PELI2: variants seen among roughly 807,000 people sequenced by gnomAD.
The protein encoded by PELI2 is pellino E3 ubiquitin protein ligase family member 2, also known as E3 ubiquitin-protein ligase pellino homolog 2.
A neutral mutation model predicts 42.3 loss-of-function variants in PELI2; 23 were observed. The observed-to-expected ratio is 0.54, with a 90% CI of 0.39 to 0.77. The LOEUF (loss-of-function observed/expected upper bound fraction) is 0.77, where lower values mean the gene tolerates loss of function less well. Among genes scored for constraint, PELI2 ranks in the 30% least tolerant of loss-of-function variants. The pLI is 0.00. For missense variants in PELI2, 463 were observed against 553.2 expected (o/e 0.84, Z 1.64); for synonymous variants, 245 against 212.2 (o/e 1.15, Z -1.34).
chr14:56,152,469 A>G (rs10152004), intron 1 of PELI2, among the ~76,000 whole-genome samples: 24,139 of 152,042 alleles, frequency 0.16, 3,238 homozygotes, highest in African/African-American at 0.36. Context: ...CAGTCTGTTT[A>G]TGAGAGGAAA....
intron 1 of PELI2, among the ~76,000 whole-genome samples, chr14:56,123,792 T>C (rs922427723): frequency 3.3e-5 from 5 of 152,228 alleles, no homozygotes; most frequent in African/African-American, 1.2e-4. Flanking sequence ...AAAATACTTA[T>C]GCACAAAGGA....
At chr14:56,225,099 T>G (rs1016539832) in intron 2 of PELI2, among the ~76,000 whole-genome samples, 1 of 152,188 alleles carries the variant, frequency 6.6e-6, no homozygotes, top group Admixed American at 6.6e-5. Context: ...TAAATACATG[T>G]GCGTGTGCAT....
At chr14:56,208,536 A>G (rs1381881505) in intron 2 of PELI2, among the ~76,000 whole-genome samples, 3 of 152,226 alleles carry the variant, frequency 2.0e-5, no homozygotes, top group Non-Finnish European at 4.4e-5. Context: ...AACTGCTGGC[A>G]CTTTAGCATG....
Position 56,240,205 on chromosome 14 carries a change from G to A in PELI2, c.208-39471G>A, listed in dbSNP as rs556868953. 2.6e-5 allele frequency among the ~76,000 whole-genome samples: 4 copies of A among 152,268 alleles called. No homozygotes were observed. In the South Asian group the frequency reaches 8.3e-4, roughly 32 times the overall value. On this transcript the variant is annotated intron_variant, in intron 2 of 5. Coordinates refer to ENST00000267460, the MANE Select transcript of PELI2 (RefSeq NM_021255.3). ...GATTTGTGTTTTAGCACCGCCACTC[G>A]GGTGCAGTGTGGAGGGGAAGACTGG...
intron 2 of PELI2, among the ~76,000 whole-genome samples, chr14:56,278,212 C>T (rs1254334603): frequency 2.6e-5 from 4 of 152,064 alleles, no homozygotes; most frequent in Non-Finnish European, 5.9e-5. Context: ...GGTTTCTTCA[C>T]TATTAAGATA....
chr14:56,210,514 G>A (rs1451890492), intron 2 of PELI2, among the ~76,000 whole-genome samples: 3 of 152,016 alleles, frequency 2.0e-5, no homozygotes, highest in African/African-American at 7.2e-5. Flanking sequence ...GAATAGGGAG[G>A]GCTTGATGAA....
At chr14:56,247,442 T>G (rs897400822) in intron 2 of PELI2, among the ~76,000 whole-genome samples, 2 of 152,212 alleles carry the variant, frequency 1.3e-5, no homozygotes, top group African/African-American at 4.8e-5. Context: ...GCATAGATCT[T>G]TATTCATGAG....
chr14:56,132,302 A>G (rs530719509), intron 1 of PELI2, among the ~76,000 whole-genome samples: 183 of 152,336 alleles, frequency 1.2e-3, no homozygotes, highest in Non-Finnish European at 1.2e-3. Flanking sequence ...CTGTGTATAC[A>G]TCTTATGTTT....
At chr14:56,179,286 C>T (rs555162345) in intron 2 of PELI2, among the ~76,000 whole-genome samples, 58 of 152,140 alleles carry the variant, frequency 3.8e-4, no homozygotes, top group Non-Finnish European at 6.6e-4. Context: ...TGAGTTTGGA[C>T]CACCTGGCAT....
intron 1 of PELI2, among the ~76,000 whole-genome samples, chr14:56,163,934 G>C (rs1240292669): frequency 6.6e-6 from 1 of 152,064 alleles, no homozygotes; most frequent in Non-Finnish European, 1.5e-5. Flanking sequence ...TGAATTTGTT[G>C]ATGAATTCTA....
chr14:56,285,839 T>C (rs1473233199), intron 3 of PELI2, among the ~76,000 whole-genome samples: 1 of 152,084 alleles, frequency 6.6e-6, no homozygotes, highest in Non-Finnish European at 1.5e-5. Flanking sequence ...TGGGGCTTGC[T>C]TGCAGGTGAA....
intron 2 of PELI2, among the ~76,000 whole-genome samples, chr14:56,202,163 G>A (rs1886353274): frequency 6.6e-6 from 1 of 152,102 alleles, no homozygotes; most frequent in African/African-American, 2.4e-5. Flanking sequence ...GGTATTTGTT[G>A]TTGTTGTTGT....
chr14:56,189,173 A>G (rs1885873185), intron 2 of PELI2, among the ~76,000 whole-genome samples: 1 of 152,200 alleles, frequency 6.6e-6, no homozygotes, highest in Non-Finnish European at 1.5e-5. Context: ...AAAATAAAAT[A>G]AAACAGGGAT....
At chr14:56,231,373 G>A (rs1438520397) in intron 2 of PELI2, among the ~76,000 whole-genome samples, 3 of 152,158 alleles carry the variant, frequency 2.0e-5, no homozygotes, top group South Asian at 2.1e-4. Context: ...GCACTCCTCA[G>A]CAAATGTAAA....
intron 1 of PELI2, among the ~76,000 whole-genome samples, chr14:56,154,339 A>C (rs148349825): frequency 6.6e-6 from 1 of 152,304 alleles, no homozygotes; most frequent in East Asian, 1.9e-4. Flanking sequence ...TCTCCACCCA[A>C]ATCTCATCTG....
At chr14:56,225,243 G>A (rs1451708548) in intron 2 of PELI2, among the ~76,000 whole-genome samples, 3 of 152,174 alleles carry the variant, frequency 2.0e-5, no homozygotes, top group Non-Finnish European at 4.4e-5. Flanking sequence ...CACAGGCTGA[G>A]GTGGGGCATC....
chr14:56,190,945 T>C (rs941841429), intron 2 of PELI2, among the ~76,000 whole-genome samples: 2 of 152,206 alleles, frequency 1.3e-5, no homozygotes. Flanking sequence ...CTTAGAAAAT[T>C]GGTTAGTCTG....
Position 56,219,788 on chromosome 14 carries a change from T to C in PELI2, c.207+41324T>C, listed in dbSNP as rs549857753. On this transcript the variant is annotated intron_variant, in intron 2 of 5. Transcript: ENST00000267460. This position sits in a 1 kb window ranked among gnomAD's most constrained non-coding sequence, Gnocchi z 4.1. ...CCTTGACTCTATTCAGTTAGAGTCA[T>C]TTATTTATTTTTACATGTTTGTAAC... 6.6e-6 allele frequency among the ~76,000 whole-genome samples: 1 copy of C among 152,164 alleles called. No homozygotes were observed.
intron 2 of PELI2, among the ~76,000 whole-genome samples, chr14:56,220,423 T>C (rs1039179954): frequency 1.3e-5 from 2 of 152,212 alleles, no homozygotes; most frequent in African/African-American, 4.8e-5. Context: ...CATGTATCTA[T>C]ATTTTTCTTC....
Sources: gnomAD v4.1 joint callset for allele counts (sites outside exome capture counted in the v4.1 genomes callset) on GRCh38, gnomAD v4.1.1 for gene constraint, Gnocchi (gnomAD v3.1) non-coding constraint, MANE v1.5 for transcripts, NCBI Gene and HGNC (gene_info 2026-07-23, HGNC 2026-07-21) for gene names.